UNC13C: variants seen among roughly 807,000 people sequenced by gnomAD.
UNC13C encodes protein unc-13 homolog C.
Under a neutral mutation model 245.4 loss-of-function variants are expected in UNC13C, and 174 were observed. The ratio of observed to expected loss-of-function variants is 0.71; its 90% CI spans 0.63 to 0.80. The LOEUF (loss-of-function observed/expected upper bound fraction) is 0.80, where lower values mean the gene tolerates loss of function less well. Ranked by LOEUF, UNC13C falls within the 30% of genes least tolerant of loss-of-function variation. UNC13C has a pLI of 0.00. For missense variants in UNC13C, 2,829 were observed against 2,602.9 expected (o/e 1.09, Z -1.89); for synonymous variants, 992 against 895.1 (o/e 1.11, Z -1.93).
chr15:54,135,557 G>A (rs1049859822), intron 2 of UNC13C, among the ~76,000 whole-genome samples: 1 of 152,112 alleles, frequency 6.6e-6, no homozygotes, highest in Non-Finnish European at 1.5e-5. Context: ...TGAAGAGACA[G>A]TCCTTTCCCC....
chr15:53,892,895 A>G, the UNC13C span, among the ~76,000 whole-genome samples: 1 of 152,074 alleles, frequency 6.6e-6, no homozygotes, highest in African/African-American at 2.4e-5. Flanking sequence ...CTCATTCTCC[A>G]TCAAGTTTTG....
intron 2 of UNC13C, among the ~76,000 whole-genome samples, chr15:54,033,194 T>C (rs1896434982): frequency 6.6e-6 from 1 of 152,154 alleles, no homozygotes; most frequent in Non-Finnish European, 1.5e-5. Context: ...ATAATGAGAC[T>C]TATCGCCTCA....
rs190652208 is a variant in UNC13C, at chr15:54,181,135, C to T, written c.3071+37451C>T. Among the ~76,000 whole-genome samples, 280 of 151,984 alleles carry T rather than the reference C, an allele frequency of 1.8e-3. 1 individual carries two copies. The highest frequency in any genetic ancestry group is 0.01 in the Middle Eastern group (3 of 292). On this transcript the variant is annotated intron_variant, in intron 4 of 32. Coordinates refer to ENST00000260323, the MANE Select transcript of UNC13C (RefSeq NM_001080534.3). ...GGATTTAAGAATCCTAGTTTGAAGTCTTGCATTTAAATCTTTAATCCATCT... is the reference window on the plus strand; with the variant it reads ...GGATTTAAGAATCCTAGTTTGAAGTTTTGCATTTAAATCTTTAATCCATCT...
intron 11 of UNC13C, among the ~76,000 whole-genome samples, chr15:54,296,057 G>C (rs2037420263): frequency 6.6e-6 from 1 of 152,144 alleles, no homozygotes. Flanking sequence ...AGCAGAGCCT[G>C]CTTCCCAAAG....
At chr15:54,169,900 T>C (rs1295087028) in intron 4 of UNC13C, among the ~76,000 whole-genome samples, 1 of 152,178 alleles carries the variant, frequency 6.6e-6, no homozygotes, top group Admixed American at 6.5e-5. Flanking sequence ...TCGCAGTTTA[T>C]GAATCTATCT....
chr15:54,150,423 C>G (rs1245168838), intron 4 of UNC13C, among the ~76,000 whole-genome samples: 2 of 152,198 alleles, frequency 1.3e-5, no homozygotes, highest in African/African-American at 4.8e-5. Flanking sequence ...TAGTCCTCAG[C>G]ACACTGTCTG....
At chr15:54,584,539 G>C (rs1445593647) in intron 30 of UNC13C, among the ~76,000 whole-genome samples, 1 of 152,232 alleles carries the variant, frequency 6.6e-6, no homozygotes, top group African/African-American at 2.4e-5. Flanking sequence ...TTGAAAGGCA[G>C]TGAAAGTCCT....
chr15:54,127,602 T>A (rs894228373), intron 2 of UNC13C, among the ~76,000 whole-genome samples: 2 of 151,750 alleles, frequency 1.3e-5, no homozygotes, highest in African/African-American at 2.4e-5. Flanking sequence ...AAATAGCTAA[T>A]GTACATGACG....
At chr15:54,028,427 A>G (rs1487740471) in intron 2 of UNC13C, among the ~76,000 whole-genome samples, 1 of 152,122 alleles carries the variant, frequency 6.6e-6, no homozygotes, top group African/African-American at 2.4e-5. Flanking sequence ...CCACTAATCC[A>G]TCACGTCTCA....
At chr15:54,463,227 C>T (rs186429733) in intron 19 of UNC13C, among the ~76,000 whole-genome samples, 16 of 112,780 alleles carry the variant, frequency 1.4e-4, no homozygotes, top group African/African-American at 5.6e-4. Flanking sequence ...ATGGGCCAAT[C>T]GGCTCTCAGT....
rs557176918 is a variant in UNC13C at position 54,405,998 on chromosome 15, G to A, written c.4848-8984G>A. ...GATGCTATGTTGAGAGAAGTGTGGG[G>A]GGGGAAAGAATATCTTATCCTTCTA... On this transcript the variant is annotated intron_variant, in intron 18 of 32. Coordinates refer to ENST00000260323, the MANE Select transcript of UNC13C (RefSeq NM_001080534.3). 5.3e-5 allele frequency among the ~76,000 whole-genome samples: 8 copies of A among 152,142 alleles called. No individual in the cohort carries two copies. In the South Asian group the frequency reaches 1.5e-3, roughly 28 times the overall value.
intron 4 of UNC13C, among the ~76,000 whole-genome samples, chr15:54,209,383 G>T (rs772597220): frequency 6.6e-6 from 1 of 151,724 alleles, no homozygotes; most frequent in Non-Finnish European, 1.5e-5. Flanking sequence ...ATCCTGAACT[G>T]ACCCTTTACA....
At chr15:54,412,420 G>A (rs2040435067) in intron 18 of UNC13C, among the ~76,000 whole-genome samples, 1 of 152,082 alleles carries the variant, frequency 6.6e-6, no homozygotes, top group Non-Finnish European at 1.5e-5. Flanking sequence ...GATCTCATGA[G>A]TACTCACTCA....
intron 18 of UNC13C, among the ~76,000 whole-genome samples, chr15:54,403,944 A>C (rs1262387545): frequency 6.6e-6 from 1 of 152,164 alleles, no homozygotes; most frequent in East Asian, 1.9e-4. Context: ...CACAGCATTA[A>C]TTCGTAAGGA....
chr15:54,591,156 G>A (rs1054544009), intron 30 of UNC13C, among the ~76,000 whole-genome samples: 3 of 152,132 alleles, frequency 2.0e-5, no homozygotes, highest in African/African-American at 4.8e-5. Context: ...TTGGATCATG[G>A]TGGATTATCT....
chr15:54,024,846 C>T (rs1394182277), intron 2 of UNC13C, among the ~76,000 whole-genome samples: 4 of 152,006 alleles, frequency 2.6e-5, no homozygotes, highest in Non-Finnish European at 5.9e-5. Context: ...ACCCGGGAGG[C>T]GGCGCTTGCA....
intron 30 of UNC13C, among the ~76,000 whole-genome samples, chr15:54,612,300 G>A (rs989546958): frequency 2.8e-5 from 4 of 144,428 alleles, no homozygotes; most frequent in East Asian, 2.0e-4. Flanking sequence ...CCTTAAAGGT[G>A]TGGAAAGGTT....
chr15:53,995,826 T>C (rs1421483549), intron 1 of UNC13C, among the ~76,000 whole-genome samples: 2 of 152,106 alleles, frequency 1.3e-5, no homozygotes, highest in African/African-American at 2.4e-5. Context: ...GAAATTTCAG[T>C]AGAGTACTGA....
At chr15:54,446,007 C>G (rs868628055) in intron 19 of UNC13C, among the ~76,000 whole-genome samples, 5 of 152,048 alleles carry the variant, frequency 3.3e-5, no homozygotes, top group African/African-American at 1.2e-4. Flanking sequence ...AGCTTTCTAC[C>G]TATGGCTAGC....
Sources: allele counts gnomAD v4.1 joint callset (sites outside exome capture counted in the v4.1 genomes callset), GRCh38; gene constraint gnomAD v4.1.1; transcripts MANE v1.5; gene names NCBI Gene and HGNC (gene_info 2026-07-23, HGNC 2026-07-21).